LRBA: variants seen among roughly 807,000 people sequenced by gnomAD.
LRBA encodes LPS responsive beige-like anchor protein, also known as lipopolysaccharide-responsive and beige-like anchor protein.
In LRBA, 176 loss-of-function variants were observed where a neutral mutation model predicts 330.0. The observed-to-expected ratio is 0.53, with a 90% CI of 0.47 to 0.60. The LOEUF (loss-of-function observed/expected upper bound fraction) is 0.60, where lower values mean the gene tolerates loss of function less well. Among genes scored for constraint, LRBA ranks in the 20% least tolerant of loss-of-function variants. The pLI, the probability that LRBA is intolerant of heterozygous loss-of-function variation, is 0.00. For missense variants in LRBA, 3,259 were observed against 3,444.8 expected (o/e 0.95, Z 1.35); for synonymous variants, 1,230 against 1,193.0 (o/e 1.03, Z -0.64).
intron 2 of LRBA, among the ~76,000 whole-genome samples, chr4:150,934,138 T>C (rs148850323): frequency 2.8e-3 from 429 of 152,252 alleles, no homozygotes; most frequent in African/African-American, 9.5e-3. Flanking sequence ...AAGTAACCTA[T>C]TTCTAACAAA....
intron 46 of LRBA, among the ~76,000 whole-genome samples, chr4:150,433,126 T>C (rs1750652316): frequency 6.6e-6 from 1 of 152,138 alleles, no homozygotes; most frequent in African/African-American, 2.4e-5. Flanking sequence ...TAATGAAACA[T>C]ATTCCAAACA....
At chr4:150,527,038 G>T (rs1763554184) in intron 40 of LRBA, among the ~76,000 whole-genome samples, 1 of 149,578 alleles carries the variant, frequency 6.7e-6, no homozygotes, top group Non-Finnish European at 1.5e-5. Flanking sequence ...AAGAAACTGG[G>T]TTATTTAATC....
chr4:150,576,904 A>G (rs1770610763), intron 40 of LRBA, among the ~76,000 whole-genome samples: 1 of 151,902 alleles, frequency 6.6e-6, no homozygotes, highest in Admixed American at 6.6e-5. Flanking sequence ...TGAGAACAAT[A>G]CCCTTGGGTT....
chr4:150,311,160 C>G (rs1731009913), intron 51 of LRBA: 1 of 152,112 alleles, frequency 6.6e-6, no homozygotes, highest in Non-Finnish European at 1.5e-5. Context: ...CAGAAATACA[C>G]CATCGACTGT....
At chr4:150,657,831 T>C (rs1780365910) in intron 37 of LRBA, among the ~76,000 whole-genome samples, 1 of 152,172 alleles carries the variant, frequency 6.6e-6, no homozygotes. Context: ...GTATTAATAA[T>C]ATAAGATTTA....
At chr4:150,740,885 TG>T (rs1731865123) in intron 35 of LRBA, among the ~76,000 whole-genome samples, 1 of 152,038 alleles carries the variant, frequency 6.6e-6, no homozygotes, top group African/African-American at 2.4e-5. Context: ...ATGATAATAA[TG>T]ATAATGATAT....
At chr4:150,960,853 C>T (rs189541424) in intron 2 of LRBA, among the ~76,000 whole-genome samples, 25 of 149,472 alleles carry the variant, frequency 1.7e-4, no homozygotes, top group Non-Finnish European at 4.4e-5. Flanking sequence ...TTAGTAGTTT[C>T]AGTTTTTGTA....
At chr4:150,661,152 T>G (rs1042602693) in intron 37 of LRBA, among the ~76,000 whole-genome samples, 4 of 144,020 alleles carry the variant, frequency 2.8e-5, no homozygotes. Flanking sequence ...CAGTACTTAA[T>G]AAATAGCATG....
intron 47 of LRBA, among the ~76,000 whole-genome samples, chr4:150,392,184 G>C (rs1389461906): frequency 6.6e-6 from 1 of 152,014 alleles, no homozygotes; most frequent in Non-Finnish European, 1.5e-5. Flanking sequence ...TCATCTTTGA[G>C]TCAGTTTGGA....
intron 40 of LRBA, among the ~76,000 whole-genome samples, chr4:150,518,261 G>A (rs886505334): frequency 6.6e-6 from 1 of 152,224 alleles, no homozygotes; most frequent in Non-Finnish European, 1.5e-5. Context: ...AGCAGGTAGT[G>A]TAGACAGTGT....
chr4:150,581,354 C>T (rs528957056), intron 40 of LRBA: 1 of 444,166 alleles, frequency 2.3e-6, no homozygotes, highest in Non-Finnish European at 4.5e-6. Flanking sequence ...TGCACATATA[C>T]AGCAACTGCT....
intron 37 of LRBA, among the ~76,000 whole-genome samples, chr4:150,622,943 C>T (rs1447841327): frequency 2.0e-5 from 3 of 152,032 alleles, no homozygotes; most frequent in South Asian, 4.2e-4. Context: ...GTGATCCACC[C>T]GCCTCGGCCT....
intron 2 of LRBA, among the ~76,000 whole-genome samples, chr4:150,956,451 T>C (rs1561055658): frequency 6.7e-6 from 1 of 148,874 alleles, no homozygotes; most frequent in Non-Finnish European, 1.5e-5. Context: ...ACCTAACATT[T>C]AAAGACAAAT....
At chr4:150,597,166 G>T (rs1360151990) in intron 38 of LRBA, 4 of 882,526 alleles carry the variant, frequency 4.5e-6, no homozygotes, top group Non-Finnish European at 7.1e-6. Flanking sequence ...ACTATCGAGA[G>T]TAATCAGAGT....
At chr4:150,671,027 TGTGTGTGTGTGTGTGA>T (rs1419125792) in intron 37 of LRBA, among the ~76,000 whole-genome samples, 9 of 147,496 alleles carry the variant, frequency 6.1e-5, no homozygotes, top group African/African-American at 2.3e-4. Flanking sequence ...TGTGTGTGTG[TGTGTGTGTGTGTGTGA>T]GAGAGAGAGA....
At chr4:150,685,271 A>G (rs1190072864) in intron 36 of LRBA, among the ~76,000 whole-genome samples, 2 of 149,818 alleles carry the variant, frequency 1.3e-5, no homozygotes, top group African/African-American at 2.5e-5. Context: ...AAGAGCCAAT[A>G]AACTCCTGCT....
chr4:150,671,169 T>C (rs1014170540), intron 37 of LRBA, among the ~76,000 whole-genome samples: 1 of 152,132 alleles, frequency 6.6e-6, no homozygotes, highest in African/African-American at 2.4e-5. Flanking sequence ...TCCCCAGTCC[T>C]TTCCAGCACA....
intron 2 of LRBA, chr4:151,013,890 T>C (rs905614141): frequency 2.6e-5 from 4 of 152,674 alleles, no homozygotes; most frequent in African/African-American, 9.7e-5. Flanking sequence ...CCTAAATTCA[T>C]CACCAATTTA....
chr4:150,311,820 C>T lies in LRBA; in HGVS notation c.7694-1436G>A, dbSNP rs184216492. ...GGAAGTTGCTGGCAGATAATAAAAGCTTTTGTGGATATCATAGTGTTACTA... is the reference window on the plus strand; with the variant it reads ...GGAAGTTGCTGGCAGATAATAAAAGTTTTTGTGGATATCATAGTGTTACTA... On this transcript the variant is annotated intron_variant, in intron 51 of 56. Coordinates refer to ENST00000651943, the MANE Select transcript of LRBA (RefSeq NM_001364905.1). Among the ~76,000 whole-genome samples the T allele has an allele frequency of 1.4e-3, 210 of 152,250 alleles. 1 individual carries two copies. Among genetic ancestry groups the T allele is most frequent in the African/African-American group, 4.9e-3 (203 of 41,540 alleles).
Sources: allele counts gnomAD v4.1 joint callset (sites outside exome capture counted in the v4.1 genomes callset), GRCh38; gene constraint gnomAD v4.1.1; transcripts MANE v1.5; gene names NCBI Gene and HGNC (gene_info 2026-07-23, HGNC 2026-07-21).